Variants in SS18L1 observed in about 807,000 individuals in gnomAD.
SS18L1 encodes the protein calcium-responsive transactivator.
In SS18L1, 32 loss-of-function variants were observed where a neutral mutation model predicts 70.3. The ratio of observed to expected loss-of-function variants is 0.46; its 90% confidence interval spans 0.34 to 0.61. The LOEUF (loss-of-function observed/expected upper bound fraction) is 0.61. SS18L1 is among the 20% of genes least tolerant of loss of function. The probability of loss-of-function intolerance (pLI) is 0.01; values close to 1 mark genes in which losing one functional copy is unlikely to be tolerated. For missense variants in SS18L1, 430 were observed against 542.1 expected (o/e 0.79, Z 2.05); for synonymous variants, 237 against 229.7 (o/e 1.03, Z -0.29).
chr20:62,146,727 C>T (rs1230602109), intron 1 of SS18L1, among the ~76,000 whole-genome samples: 1 of 147,946 alleles, frequency 6.8e-6, no homozygotes, highest in Non-Finnish European at 1.5e-5. Flanking sequence ...TCAAGCGATT[C>T]TCCTGCCTCA....
chr20:62,162,914 A>G lies in SS18L1; in HGVS notation c.539A>G (p.Asn180Ser), dbSNP rs139221579. The change falls in exon 5 of 11, where the codon AAC becomes AGC. Residue 180 changes from asparagine (N) to serine (S), a missense_variant. Asn to Ser is a conservative substitution (Grantham distance 46). Coordinates refer to ENST00000331758, the MANE Select transcript of SS18L1 (RefSeq NM_198935.3). ...AACTACGTGTCTCGGACCAACATCAACATGCAGTCCAACCCAGGTACCTAC... is the reference window on the plus strand; with the variant it reads ...AACTACGTGTCTCGGACCAACATCAGCATGCAGTCCAACCCAGGTACCTAC... ...IGNYVSRTNI[N>S]MQSNPVSMMQ... The G allele has an allele frequency of 1.2e-6, 2 of 1,612,568 alleles. No individual in the cohort carries two copies. The highest frequency in any genetic ancestry group is 2.7e-5 in the African/African-American group (2 of 74,810).
intron 10 of SS18L1, among the ~76,000 whole-genome samples, chr20:62,176,447 A>G (rs531086553): frequency 6.6e-6 from 1 of 152,338 alleles, no homozygotes; most frequent in South Asian, 2.1e-4. Flanking sequence ...CAGGAGGTCG[A>G]GGCTGTAGTG....
At chr20:62,166,560 G>A (rs1169591722) in intron 8 of SS18L1, among the ~76,000 whole-genome samples, 4 of 152,094 alleles carry the variant, frequency 2.6e-5, no homozygotes, top group South Asian at 4.1e-4. Flanking sequence ...TGCCTGCAAC[G>A]TTGAAATGTC....
At chr20:62,170,505 C>T (rs1209589184) in intron 8 of SS18L1, among the ~76,000 whole-genome samples, 2 of 151,962 alleles carry the variant, frequency 1.3e-5, no homozygotes, top group Admixed American at 1.3e-4. Context: ...GACTCCATCT[C>T]GAAAAGAAAA....
rs552149248 is a variant in SS18L1, at chr20:62,172,581, G to C, written c.917-101G>C. On this transcript the variant is annotated intron_variant, in intron 8 of 10. Coordinates refer to ENST00000331758, the MANE Select transcript of SS18L1 (RefSeq NM_198935.3). The stretch of plus-strand genomic sequence containing the variant: ...ATAAACATGCCGAAGCAATGGATTT[G>C]GTTTTGGGATTCCAAAGTTACCGTG... The C allele has an allele frequency of 7.5e-5, 117 of 1,556,170 alleles. No homozygotes were observed. In the Middle Eastern group the frequency reaches 1.2e-3, roughly 16 times the overall value.
At chr20:62,160,109 G>C in intron 3 of SS18L1, 148 bp downstream of exon 3, 1 of 826,220 alleles carries the variant, frequency 1.2e-6, no homozygotes, top group Non-Finnish European at 1.9e-6. Context: ...TGGGAGTGTG[G>C]GCGGTGGTGA....
At chr20:62,155,175 C>T (rs2057200860) in intron 1 of SS18L1, among the ~76,000 whole-genome samples, 2 of 152,110 alleles carry the variant, frequency 1.3e-5, no homozygotes. Flanking sequence ...CAGAGGCGGG[C>T]AGATCAGTTG....
intron 10 of SS18L1, chr20:62,175,262 G>A: frequency 1.0e-6 from 1 of 985,256 alleles, no homozygotes; most frequent in African/African-American, 1.7e-5. Context: ...TGGAAGAGCG[G>A]GAGCTCTCGG....
intron 1 of SS18L1, chr20:62,154,391 G>A (rs148036554): frequency 7.6e-6 from 8 of 1,048,578 alleles, no homozygotes; most frequent in East Asian, 1.1e-4. Context: ...GCCTGGTTGC[G>A]GTTTCGGCGG....
chr20:62,167,308 G>T (rs1360477139), intron 8 of SS18L1, among the ~76,000 whole-genome samples: 1 of 151,016 alleles, frequency 6.6e-6, no homozygotes, highest in Non-Finnish European at 1.5e-5. Flanking sequence ...CTCCCAAAGT[G>T]CTGGGATTAC....
intron 10 of SS18L1, 120 bp from the exon 11 acceptor site, chr20:62,179,062 G>A (rs553565499): frequency 2.6e-4 from 286 of 1,086,474 alleles, no homozygotes; most frequent in Non-Finnish European, 3.6e-4. Context: ...CCGCAGAGAT[G>A]TGAGCAGAGG....
At chr20:62,154,620 C>T (rs6121921) in intron 1 of SS18L1, among the ~76,000 whole-genome samples, 100,659 of 152,074 alleles carry the variant, frequency 0.66, 36,957 homozygotes, top group East Asian at 0.82. Context: ...ACCCTGCGGG[C>T]CCATGTAGGA....
intron 8 of SS18L1, among the ~76,000 whole-genome samples, chr20:62,168,026 T>A (rs2057466840): frequency 6.7e-6 from 1 of 149,402 alleles, no homozygotes; most frequent in Admixed American, 6.7e-5. Flanking sequence ...GATAAGGTCT[T>A]GCCATGTTGC....
chr20:62,157,245 G>C (rs1004302941), intron 1 of SS18L1, among the ~76,000 whole-genome samples: 5 of 152,012 alleles, frequency 3.3e-5, no homozygotes, highest in Non-Finnish European at 5.9e-5. Context: ...CCAACCACCA[G>C]ACTCAGCACG....
At chr20:62,166,754 G>A (rs6062101) in intron 8 of SS18L1, among the ~76,000 whole-genome samples, 19,125 of 141,820 alleles carry the variant, frequency 0.13, 1,755 homozygotes, top group African/African-American at 0.28. Flanking sequence ...GTGAAACCCC[G>A]TCTCTACTAA....
intron 1 of SS18L1, among the ~76,000 whole-genome samples, chr20:62,151,179 C>G (rs1423463670): frequency 1.3e-5 from 2 of 152,116 alleles, no homozygotes; most frequent in Non-Finnish European, 2.9e-5. Flanking sequence ...AGCCCTTCCC[C>G]TACTCTCTGT....
Position 62,163,633 on chromosome 20 carries a change from G to T in SS18L1, c.721+11G>T, listed in dbSNP as rs1176011745. On this transcript the variant is annotated intron_variant, in intron 6 of 10. Transcript: ENST00000331758. ...GGCCCTCCCAGCAAGGTAACGCCCG[G>T]CCGGGCCAGGTCGCGGGCACAGCTG... The T allele has an allele frequency of 1.9e-6, 3 of 1,560,606 alleles. No homozygotes were observed. In the Admixed American group the frequency reaches 5.6e-5, roughly 29 times the overall value.
chr20:62,143,837 C>T lies in SS18L1; in HGVS notation c.17C>T (p.Ala6Val). 2 of 1,333,384 alleles carry T rather than the reference C, an allele frequency of 1.5e-6. No individual in the cohort carries two copies. The highest frequency in any genetic ancestry group is 9.9e-7 in the Non-Finnish European group (1 of 1,011,774). The allele number at this position is 1,333,384 out of a possible 1,614,324, so 82.6% of individuals were successfully genotyped here. The stretch of plus-strand genomic sequence containing the variant: ...GCCGCCACCATGTCCGTGGCCTTCG[C>T]GTCTGCCCGGCCAAGAGGCAAAGGG... MSVAF[A>V]SARPRGKGEV... Residue 6 changes from alanine (A) to valine (V), a missense_variant, in exon 1 of 11, where the codon GCG becomes GTG. Ala to Val is a moderately conservative substitution (Grantham distance 64). Coordinates refer to ENST00000331758, the MANE Select transcript of SS18L1 (RefSeq NM_198935.3).
chr20:62,165,111 C>G (rs1414580017), intron 7 of SS18L1, among the ~76,000 whole-genome samples: 1 of 152,236 alleles, frequency 6.6e-6, no homozygotes, highest in African/African-American at 2.4e-5. Flanking sequence ...CTCCCAGGAG[C>G]TAGCGGTGGC....
Sources: gnomAD v4.1 joint callset for allele counts (sites outside exome capture counted in the v4.1 genomes callset) on GRCh38, gnomAD v4.1.1 for gene constraint, MANE v1.5 for transcripts, NCBI Gene and HGNC (gene_info 2026-07-23, HGNC 2026-07-21) for gene names.